Variants in BAZ2B observed in about 807,000 individuals in gnomAD.
BAZ2B encodes bromodomain adjacent to zinc finger domain 2B.
A neutral mutation model predicts 246.0 loss-of-function variants in BAZ2B; 91 were observed. The observed-to-expected ratio is 0.37, with a 90% CI of 0.31 to 0.44. The LOEUF (loss-of-function observed/expected upper bound fraction) is 0.44. Ranked by LOEUF, BAZ2B falls within the 20% of genes least tolerant of loss-of-function variation. The pLI, the probability that BAZ2B is intolerant of heterozygous loss-of-function variation, is 1.00. For missense variants in BAZ2B, 2,332 were observed against 2,533.7 expected, an observed-to-expected ratio of 0.92 and a Z score of 1.71; for synonymous variants, 855 against 860.0, an observed-to-expected ratio of 0.99 and a Z score of 0.10.
the BAZ2B span, among the ~76,000 whole-genome samples, chr2:159,675,253 T>G: frequency 6.6e-6 from 1 of 152,032 alleles, no homozygotes; most frequent in African/African-American, 2.4e-5. Flanking sequence ...ATATTAAAAA[T>G]TTTTTAAAGT....
intron 27 of BAZ2B, among the ~76,000 whole-genome samples, chr2:159,369,600 C>T (rs1400111237): frequency 6.6e-6 from 1 of 152,062 alleles, no homozygotes; most frequent in Non-Finnish European, 1.5e-5. Flanking sequence ...AAGTTGATGT[C>T]CTAGATACTT....
At chr2:159,585,754 A>G (rs900221565) in intron 1 of BAZ2B, among the ~76,000 whole-genome samples, 5 of 152,236 alleles carry the variant, frequency 3.3e-5, no homozygotes, top group Non-Finnish European at 5.9e-5. Context: ...TAACTGTAAT[A>G]TAGTGATGCC....
intron 31 of BAZ2B, among the ~76,000 whole-genome samples, chr2:159,346,217 T>C (rs949179596): frequency 6.6e-6 from 1 of 152,198 alleles, no homozygotes; most frequent in Non-Finnish European, 1.5e-5. Flanking sequence ...AAGAAAGGGA[T>C]ATTTTATTAG....
chr2:159,369,458 T>C (rs2060581232), intron 27 of BAZ2B, among the ~76,000 whole-genome samples: 1 of 152,150 alleles, frequency 6.6e-6, no homozygotes, highest in Admixed American at 6.5e-5. Context: ...CATGATATGA[T>C]GACAGAATGT....
At chr2:159,602,039 A>T (rs915407726) in intron 1 of BAZ2B, among the ~76,000 whole-genome samples, 5 of 152,232 alleles carry the variant, frequency 3.3e-5, no homozygotes, top group Non-Finnish European at 7.3e-5. Context: ...AACAGTCGGT[A>T]GGATGTTTTG....
chr2:159,571,621 T>C (rs1026167591), intron 1 of BAZ2B, among the ~76,000 whole-genome samples: 7 of 152,170 alleles, frequency 4.6e-5, no homozygotes, highest in Non-Finnish European at 1.0e-4. Context: ...CAATTGCTAA[T>C]GGCCAATTGT....
chr2:159,318,107 C>G (rs1335306707), downstream of BAZ2B, among the ~76,000 whole-genome samples: 6 of 152,124 alleles, frequency 3.9e-5, no homozygotes, highest in South Asian at 2.1e-4. Flanking sequence ...ATGTTATTAT[C>G]AAGCCCCTTA....
intron 9 of BAZ2B, among the ~76,000 whole-genome samples, chr2:159,432,147 T>C (rs1276521561): frequency 1.3e-5 from 2 of 152,204 alleles, no homozygotes; most frequent in African/African-American, 4.8e-5. Context: ...TTATAATATG[T>C]ATTTCATTTT....
At chr2:159,514,024 C>T (rs2083192470) in intron 2 of BAZ2B, among the ~76,000 whole-genome samples, 1 of 152,162 alleles carries the variant, frequency 6.6e-6, no homozygotes. Flanking sequence ...ACATAGCTAA[C>T]TTCCTTAATC....
intron 13 of BAZ2B, among the ~76,000 whole-genome samples, chr2:159,424,901 A>G (rs776893398): frequency 6.6e-6 from 1 of 152,226 alleles, no homozygotes; most frequent in African/African-American, 2.4e-5. Context: ...TGTTGACTAC[A>G]GATACATTTT....
chr2:159,519,236 T>TTTTTTTTTTTTTTTTTTTA (rs1553692833), intron 2 of BAZ2B, among the ~76,000 whole-genome samples: 1 of 70,612 alleles, frequency 1.4e-5, no homozygotes, highest in Non-Finnish European at 2.8e-5. Flanking sequence ...TTTTTTTTTT[T>TTTTTTTTTTTTTTTTTTTA]TTTTGAGACG....
At chr2:159,437,086 A>G (rs944599437) in intron 8 of BAZ2B, among the ~76,000 whole-genome samples, 3 of 152,220 alleles carry the variant, frequency 2.0e-5, no homozygotes, top group African/African-American at 7.2e-5. Context: ...AAGTTAACGT[A>G]TGTTCAGCAA....
At chr2:159,482,847 C>T (rs937923257) in intron 2 of BAZ2B, among the ~76,000 whole-genome samples, 1 of 152,102 alleles carries the variant, frequency 6.6e-6, no homozygotes, top group Admixed American at 6.5e-5. Flanking sequence ...CTCATTTATT[C>T]ATATCTTTTT....
At chr2:159,546,130 T>G (rs1277902392) in intron 2 of BAZ2B, among the ~76,000 whole-genome samples, 1 of 152,146 alleles carries the variant, frequency 6.6e-6, no homozygotes, top group Admixed American at 6.6e-5. Flanking sequence ...GACATGCCTA[T>G]AGTCTAGTGA....
intron 31 of BAZ2B, among the ~76,000 whole-genome samples, chr2:159,340,861 A>G (rs1015172203): frequency 1.5e-4 from 23 of 152,248 alleles, no homozygotes; most frequent in African/African-American, 4.1e-4. Flanking sequence ...GAGAAAGGAA[A>G]TTATTACACA....
At chr2:159,392,448 T>C (rs2063465033) in intron 20 of BAZ2B, among the ~76,000 whole-genome samples, 1 of 152,170 alleles carries the variant, frequency 6.6e-6, no homozygotes, top group South Asian at 2.1e-4. Context: ...TTGCACTGTG[T>C]AGCAATTATT....
intron 1 of BAZ2B, among the ~76,000 whole-genome samples, chr2:159,560,068 T>C (rs1243319869): frequency 6.6e-6 from 1 of 152,192 alleles, no homozygotes; most frequent in Non-Finnish European, 1.5e-5. Flanking sequence ...TTATTTTTCC[T>C]CATGCTCTGC....
the BAZ2B span, among the ~76,000 whole-genome samples, chr2:159,662,785 G>A: frequency 6.6e-6 from 1 of 151,968 alleles, no homozygotes; most frequent in Admixed American, 6.6e-5. Context: ...ACCTGCCTCA[G>A]CCTCCCAAAG....
At chr2:159,597,710 C>A (rs1359874012) in intron 1 of BAZ2B, among the ~76,000 whole-genome samples, 1 of 152,058 alleles carries the variant, frequency 6.6e-6, no homozygotes, top group Non-Finnish European at 1.5e-5. Flanking sequence ...CCCGCCTTGG[C>A]CTCCCAAAGT....
Sources: gnomAD v4.1 joint callset for allele counts (sites outside exome capture counted in the v4.1 genomes callset) on GRCh38, gnomAD v4.1.1 for gene constraint, MANE v1.5 for transcripts, NCBI Gene and HGNC (gene_info 2026-07-23, HGNC 2026-07-21) for gene names.